SGCD: variants seen among roughly 807,000 people sequenced by gnomAD.
SGCD encodes delta-sarcoglycan.
Under a neutral mutation model 36.6 loss-of-function variants are expected in SGCD, and 18 were observed. The observed-to-expected ratio is 0.49, with a 90% CI of 0.34 to 0.73. SGCD has a LOEUF of 0.73. Ranked by LOEUF, SGCD falls within the 30% of genes least tolerant of loss-of-function variation. The pLI is 0.01. For missense variants in SGCD, 387 were observed against 346.7 expected, an observed-to-expected ratio of 1.12 and a Z score of -0.92; for synonymous variants, 133 against 130.6, an observed-to-expected ratio of 1.02 and a Z score of -0.12.
intron 7 of SGCD, among the ~76,000 whole-genome samples, chr5:156,697,964 G>A (rs115556322): frequency 0.017 from 2,580 of 152,286 alleles, 55 homozygotes; most frequent in African/African-American, 0.058. Context: ...TCACAACTCA[G>A]ATTAGTCATT....
intron 6 of SGCD, among the ~76,000 whole-genome samples, chr5:156,632,658 C>T (rs1762680473): frequency 6.6e-6 from 1 of 152,164 alleles, no homozygotes. Flanking sequence ...CTTACACTTG[C>T]CATGGTTTGG....
rs28485262 is a variant in SGCD, at chr5:155,961,892, T to C, written c.-282+91468T>C. Among the ~76,000 whole-genome samples the C allele has an allele frequency of 9.1e-3, 1,392 of 152,198 alleles. 32 individuals carry two copies. The highest frequency in any genetic ancestry group is 0.027 in the African/African-American group (1,124 of 41,534). On this transcript the variant is annotated intron_variant, in intron 1 of 9. Coordinates refer to the SGCD transcript ENST00000517913. ...AAAAGCTTTCTGCGTAGATATTTGGTAAGTACATATGATGAAAAATTCATG... is the reference window on the plus strand; with the variant it reads ...AAAAGCTTTCTGCGTAGATATTTGGCAAGTACATATGATGAAAAATTCATG...
intron 3 of SGCD, among the ~76,000 whole-genome samples, chr5:156,167,521 G>T (rs1214744763): frequency 6.6e-6 from 1 of 152,126 alleles, no homozygotes; most frequent in Non-Finnish European, 1.5e-5. Context: ...CTCCGATGTG[G>T]GAAGTGGGGC....
chr5:156,072,005 A>T (rs955142909), intron 1 of SGCD, among the ~76,000 whole-genome samples: 2 of 151,756 alleles, frequency 1.3e-5, no homozygotes, highest in African/African-American at 4.8e-5. Context: ...CCATCCTTTT[A>T]TTTTGTGCCT....
intron 7 of SGCD, among the ~76,000 whole-genome samples, chr5:156,680,728 CT>C (rs1161403475): frequency 6.6e-6 from 1 of 152,204 alleles, no homozygotes; most frequent in African/African-American, 2.4e-5. Context: ...GATGTGTGTG[CT>C]GTGTCTCAAG....
At chr5:156,182,647 A>T (rs575176627) in intron 3 of SGCD, among the ~76,000 whole-genome samples, 20 of 152,276 alleles carry the variant, frequency 1.3e-4, no homozygotes, top group African/African-American at 4.3e-4. Context: ...ATCCATTCAT[A>T]TATGGTCACC....
chr5:156,689,241 T>C (rs1754022071), intron 7 of SGCD, among the ~76,000 whole-genome samples: 1 of 152,156 alleles, frequency 6.6e-6, no homozygotes, highest in Non-Finnish European at 1.5e-5. Context: ...TTACAACTTT[T>C]CTCGAAATCC....
chr5:156,375,151 TC>T (rs1770591919), intron 3 of SGCD, among the ~76,000 whole-genome samples: 1 of 152,108 alleles, frequency 6.6e-6, no homozygotes, highest in Non-Finnish European at 1.5e-5. Context: ...TCTGTCAACC[TC>T]TCTCTTTCCC....
chr5:156,204,242 G>C (rs1020500614), intron 3 of SGCD, among the ~76,000 whole-genome samples: 1 of 151,940 alleles, frequency 6.6e-6, no homozygotes, highest in Admixed American at 6.6e-5. Flanking sequence ...CTCCCTTATG[G>C]GGTGGCCAGC....
chr5:156,490,838 A>G (rs957510289), intron 3 of SGCD, among the ~76,000 whole-genome samples: 1 of 152,134 alleles, frequency 6.6e-6, no homozygotes, highest in African/African-American at 2.4e-5. Flanking sequence ...TCAACATAGT[A>G]CTAGAAGTTC....
chr5:156,068,665 A>T (rs1052858410), intron 1 of SGCD, among the ~76,000 whole-genome samples: 48 of 151,808 alleles, frequency 3.2e-4, no homozygotes, highest in Admixed American at 2.3e-3. Flanking sequence ...GTCAAATGGT[A>T]TTTCTAGTTC....
rs1366710889 is a variant in SGCD at position 156,759,485 on chromosome 5, T to TATCA, written c.*97_*100dup. 36 of 851,124 alleles carry TATCA rather than the reference T, an allele frequency of 4.2e-5. No homozygotes were observed. Among genetic ancestry groups the TATCA allele is most frequent in the Non-Finnish European group, 6.1e-5 (33 of 544,346 alleles). The allele number at this position is 851,124 out of a possible 1,614,324, so 52.7% of individuals were successfully genotyped here. ...TATTTTTACTAGAACACAGAAAGCC[T>TATCA]ATCAAAGACCTTGTGTGTATGTGTA... On this transcript the variant is annotated 3_prime_UTR_variant, in exon 9 of 9. Coordinates refer to ENST00000337851, the MANE Select transcript of SGCD (RefSeq NM_000337.6).
At chr5:156,073,854 G>T (rs1442944986) in intron 1 of SGCD, among the ~76,000 whole-genome samples, 1 of 152,208 alleles carries the variant, frequency 6.6e-6, no homozygotes, top group Non-Finnish European at 1.5e-5. Flanking sequence ...TCAGTTGAAA[G>T]AGTTGCTCAA....
intron 7 of SGCD, among the ~76,000 whole-genome samples, chr5:156,756,335 C>T (rs1757333956): frequency 6.6e-6 from 1 of 152,048 alleles, no homozygotes; most frequent in South Asian, 2.1e-4. Flanking sequence ...TCACTTGAGC[C>T]CAGGAATTTG....
At chr5:156,619,162 A>C (rs1762141661) in intron 6 of SGCD, among the ~76,000 whole-genome samples, 1 of 151,874 alleles carries the variant, frequency 6.6e-6, no homozygotes, top group Non-Finnish European at 1.5e-5. Context: ...AGTAGCTGGG[A>C]CTACAGGCAC....
intron 3 of SGCD, among the ~76,000 whole-genome samples, chr5:156,232,500 C>A (rs1353383302): frequency 6.6e-6 from 1 of 152,218 alleles, no homozygotes; most frequent in Non-Finnish European, 1.5e-5. Context: ...GCCTTTCACA[C>A]TCTATCTGGT....
At chr5:155,989,410 A>G (rs970101656) in intron 1 of SGCD, among the ~76,000 whole-genome samples, 2 of 152,180 alleles carry the variant, frequency 1.3e-5, no homozygotes, top group African/African-American at 2.4e-5. Flanking sequence ...TTCATGGGCC[A>G]TACAAAAACA....
intron 3 of SGCD, among the ~76,000 whole-genome samples, chr5:156,125,073 T>C (rs542869398): frequency 1.8e-4 from 28 of 152,306 alleles, no homozygotes; most frequent in East Asian, 1.5e-3. Flanking sequence ...GGGGAAAAGA[T>C]GATTTTATAG....
chr5:156,063,246 A>G (rs1760276783), intron 1 of SGCD, among the ~76,000 whole-genome samples: 3 of 14,834 alleles, frequency 2.0e-4, no homozygotes, highest in Admixed American at 6.5e-4. Context: ...ATAGTTGTAG[A>G]TATGTGGCAT....
Sources: gnomAD v4.1 joint callset for allele counts (sites outside exome capture counted in the v4.1 genomes callset) on GRCh38, gnomAD v4.1.1 for gene constraint, MANE v1.5 for transcripts, NCBI Gene and HGNC (gene_info 2026-07-23, HGNC 2026-07-21) for gene names.